The following ADIPOR2 variants were observed in gnomAD, a reference collection of about 807,000 sequenced individuals.
ADIPOR2 encodes the protein adiponectin receptor protein 2.
A neutral mutation model predicts 40.9 loss-of-function variants in ADIPOR2; 18 were observed. That is an observed-to-expected ratio of 0.44 (90% CI 0.30 to 0.65). The LOEUF (loss-of-function observed/expected upper bound fraction) is 0.65, where lower values mean the gene tolerates loss of function less well. ADIPOR2 is among the 30% of genes least tolerant of loss of function. ADIPOR2 has a pLI of 0.09. For missense variants in ADIPOR2, 283 were observed against 479.2 expected (o/e 0.59, Z 3.82); for synonymous variants, 165 against 166.4 (o/e 0.99, Z 0.06).
intron 2 of ADIPOR2, among the ~76,000 whole-genome samples, 195 bp downstream of exon 2, chr12:1,754,709 T>G: frequency 1.5e-5 from 1 of 67,460 alleles, no homozygotes; most frequent in East Asian, 5.2e-4. Context: ...TTACTACTAC[T>G]ACTACTACTA....
intron 1 of ADIPOR2, among the ~76,000 whole-genome samples, chr12:1,733,153 T>A (rs1349865790): frequency 6.6e-6 from 1 of 152,220 alleles, no homozygotes; most frequent in Non-Finnish European, 1.5e-5. Flanking sequence ...ACTGGTTCTT[T>A]GAAGTGGTAG....
At chr12:1,772,722 C>G in intron 2 of ADIPOR2, 120 bp from the exon 3 acceptor site, 1 of 1,259,230 alleles carries the variant, frequency 7.9e-7, no homozygotes, top group South Asian at 1.9e-5. Context: ...ATTGTTGATT[C>G]TTGTCTAAGG....
chr12:1,735,506 G>A (rs1466300780), intron 1 of ADIPOR2, among the ~76,000 whole-genome samples: 2 of 152,276 alleles, frequency 1.3e-5, no homozygotes, highest in African/African-American at 2.4e-5. Context: ...CTGAGACAAT[G>A]GGGTTTTCTA....
chr12:1,782,976 C>CTTTTTTTTTTTTTTTTTT (rs71055199), intron 6 of ADIPOR2, among the ~76,000 whole-genome samples: 61 of 109,750 alleles, frequency 5.6e-4, no homozygotes, highest in Non-Finnish European at 8.9e-4. Flanking sequence ...TTCTTTCTTT[C>CTTTTTTTTTTTTTTTTTT]TTTTTTTTTT....
chr12:1,751,031 T>C (rs1344245191), intron 1 of ADIPOR2, among the ~76,000 whole-genome samples: 1 of 151,942 alleles, frequency 6.6e-6, no homozygotes, highest in Non-Finnish European at 1.5e-5. Flanking sequence ...TTTTTTTTTT[T>C]CTTCAAGGCA....
At chr12:1,778,948 G>T (rs531272662) in intron 4 of ADIPOR2, among the ~76,000 whole-genome samples, 2 of 152,178 alleles carry the variant, frequency 1.3e-5, no homozygotes, top group South Asian at 4.1e-4. Flanking sequence ...TTAGGAAAAC[G>T]CAAATCAAAT....
chr12:1,766,256 C>A (rs192409541), intron 2 of ADIPOR2, among the ~76,000 whole-genome samples: 1 of 152,126 alleles, frequency 6.6e-6, no homozygotes, highest in African/African-American at 2.4e-5. Context: ...AGATGTAATA[C>A]GATGCCTGTA....
At chr12:1,779,831 G>T (rs1380121185) in intron 4 of ADIPOR2, among the ~76,000 whole-genome samples, 1 of 152,194 alleles carries the variant, frequency 6.6e-6, no homozygotes, top group Non-Finnish European at 1.5e-5. Flanking sequence ...CCTGCCTTGT[G>T]TTAGGTGGCC....
chr12:1,777,755 C>A, intron 3 of ADIPOR2, 99 bp from the exon 4 acceptor site: 2 of 1,126,710 alleles, frequency 1.8e-6, no homozygotes, highest in Non-Finnish European at 2.5e-6. Context: ...ATTGTTTTTC[C>A]CATTATAAAA....
chr12:1,694,924 G>A (rs982961014), intron 1 of ADIPOR2, among the ~76,000 whole-genome samples: 33 of 151,458 alleles, frequency 2.2e-4, no homozygotes, highest in African/African-American at 8.0e-4. Context: ...CATTAATTTG[G>A]CACATTTATT....
intron 1 of ADIPOR2, among the ~76,000 whole-genome samples, chr12:1,727,707 A>G (rs11610838): frequency 0.045 from 6,914 of 152,010 alleles, 249 homozygotes; most frequent in East Asian, 0.18. Flanking sequence ...TACCTACTCA[A>G]GGCCCTTTCA....
chr12:1,734,297 G>A (rs2094726160), intron 1 of ADIPOR2, among the ~76,000 whole-genome samples: 1 of 152,104 alleles, frequency 6.6e-6, no homozygotes, highest in Non-Finnish European at 1.5e-5. Flanking sequence ...TTTAATGATT[G>A]CCATTCTAAC....
intron 1 of ADIPOR2, among the ~76,000 whole-genome samples, chr12:1,731,687 C>T (rs988388291): frequency 5.3e-5 from 8 of 152,172 alleles, no homozygotes; most frequent in Non-Finnish European, 8.8e-5. Context: ...TGGCCGGGTT[C>T]GGTGGCTCAT....
At chr12:1,694,674 A>G (rs538807779) in intron 1 of ADIPOR2, among the ~76,000 whole-genome samples, 14 of 152,302 alleles carry the variant, frequency 9.2e-5, no homozygotes, top group Non-Finnish European at 1.9e-4. Context: ...ATTCCTTCTC[A>G]TGCGCTAGTT....
intron 1 of ADIPOR2, among the ~76,000 whole-genome samples, chr12:1,722,442 G>A (rs1180685030): frequency 6.6e-6 from 1 of 152,192 alleles, no homozygotes; most frequent in Non-Finnish European, 1.5e-5. Context: ...AATTCAGTGA[G>A]AGTTTAGGGC....
At chr12:1,742,077 G>T (rs1167553878) in intron 1 of ADIPOR2, among the ~76,000 whole-genome samples, 1 of 151,662 alleles carries the variant, frequency 6.6e-6, no homozygotes, top group Admixed American at 6.6e-5. Context: ...TGAGAGCCAG[G>T]GTCTGTTTTT....
At chr12:1,694,518 G>A (rs761061382) in intron 1 of ADIPOR2, among the ~76,000 whole-genome samples, 22 of 152,086 alleles carry the variant, frequency 1.4e-4, no homozygotes, top group Admixed American at 4.6e-4. Context: ...TTGTTATACT[G>A]TATTGTTTGG....
chr12:1,724,685 T>G (rs141647714), intron 1 of ADIPOR2, among the ~76,000 whole-genome samples: 170 of 152,224 alleles, frequency 1.1e-3, no homozygotes, highest in African/African-American at 3.9e-3. Context: ...CTGGCTAATT[T>G]TTTTGTTTTG....
chr12:1,704,077 T>TTTTG (rs1491441462), intron 1 of ADIPOR2, among the ~76,000 whole-genome samples: 29 of 133,090 alleles, frequency 2.2e-4, no homozygotes, highest in Admixed American at 1.9e-3. Flanking sequence ...TTTTTTTTTT[T>TTTTG]GGTGTGTGAT....
Sources: allele counts gnomAD v4.1 joint callset (sites outside exome capture counted in the v4.1 genomes callset), GRCh38; gene constraint gnomAD v4.1.1; transcripts MANE v1.5; gene names NCBI Gene and HGNC (gene_info 2026-07-23, HGNC 2026-07-21).